Variants in AP2B1 observed in about 807,000 individuals in gnomAD.
AP2B1 encodes the protein AP-2 complex subunit beta.
Under a neutral mutation model 102.0 loss-of-function variants are expected in AP2B1, and 23 were observed. That is an observed-to-expected ratio of 0.23 (90% CI 0.16 to 0.32). AP2B1 has a LOEUF of 0.32. Ranked by LOEUF, AP2B1 falls within the 10% of genes least tolerant of loss-of-function variation. The pLI is 1.00. For missense variants in AP2B1, 541 were observed against 1,157.4 expected (o/e 0.47, Z 7.73); for synonymous variants, 381 against 421.2 (o/e 0.90, Z 1.17).
intron 21 of AP2B1, among the ~76,000 whole-genome samples, chr17:35,718,312 CTGTGTGTGTGTGTGTGTGTG>C (rs57852031): frequency 1.8e-4 from 25 of 139,306 alleles, no homozygotes; most frequent in Middle Eastern, 3.6e-3. Context: ...GTTGGAGTAG[CTGTGTGTGTGTGTGTGTGTG>C]TGTGTGTGTG....
intron 21 of AP2B1, among the ~76,000 whole-genome samples, chr17:35,719,850 A>T (rs1050229120): frequency 6.6e-6 from 1 of 152,110 alleles, no homozygotes; most frequent in Non-Finnish European, 1.5e-5. Context: ...TATTTTTTTT[A>T]AAGAAATACA....
At chr17:35,645,706 G>A (rs751304928) in intron 12 of AP2B1, among the ~76,000 whole-genome samples, 8 of 152,042 alleles carry the variant, frequency 5.3e-5, no homozygotes, top group African/African-American at 9.7e-5. Context: ...AAAATTAGCC[G>A]AGCGTGGTGG....
intron 20 of AP2B1, among the ~76,000 whole-genome samples, chr17:35,713,088 C>T (rs1428183729): frequency 3.3e-5 from 5 of 152,204 alleles, no homozygotes; most frequent in Admixed American, 2.6e-4. Flanking sequence ...ACTCTTATTG[C>T]ACCTCGGCAT....
At chr17:35,639,247 C>T (rs910723124) in intron 10 of AP2B1, among the ~76,000 whole-genome samples, 2 of 152,092 alleles carry the variant, frequency 1.3e-5, no homozygotes, top group African/African-American at 2.4e-5. Context: ...GAGGGAGGAT[C>T]GCTTGAGCCC....
chr17:35,680,019 C>T (rs942063630), intron 17 of AP2B1, among the ~76,000 whole-genome samples: 2 of 151,612 alleles, frequency 1.3e-5, no homozygotes, highest in East Asian at 1.9e-4. Context: ...CTCCGCCTCC[C>T]GGGTTCCAAG....
chr17:35,642,674 T>C (rs16971244), intron 12 of AP2B1, among the ~76,000 whole-genome samples: 2,584 of 152,280 alleles, frequency 0.017, 74 homozygotes, highest in African/African-American at 0.059. Flanking sequence ...AGAGTTACGA[T>C]GTGTGTCTGC....
At chr17:35,693,967 A>C (rs1598303973) in intron 18 of AP2B1, among the ~76,000 whole-genome samples, 1 of 152,230 alleles carries the variant, frequency 6.6e-6, no homozygotes, top group Non-Finnish European at 1.5e-5. Context: ...CAGTGAACTC[A>C]TTTGATTTTT....
intron 18 of AP2B1, among the ~76,000 whole-genome samples, chr17:35,702,934 G>A (rs1281896481): frequency 2.0e-5 from 3 of 152,238 alleles, no homozygotes; most frequent in Non-Finnish European, 2.9e-5. Flanking sequence ...TGAAGAGCAT[G>A]TAAATTAATT....
chr17:35,661,620 T>C (rs187138529), intron 14 of AP2B1, among the ~76,000 whole-genome samples: 89 of 152,372 alleles, frequency 5.8e-4, no homozygotes, highest in African/African-American at 2.0e-3. Flanking sequence ...ATATGGTCGC[T>C]CAGTCCCAGG....
chr17:35,623,878 C>T (rs921595959), intron 5 of AP2B1, among the ~76,000 whole-genome samples: 1 of 152,148 alleles, frequency 6.6e-6, no homozygotes, highest in Non-Finnish European at 1.5e-5. Context: ...ACAGAGATTA[C>T]ATATTCTCTC....
intron 14 of AP2B1, among the ~76,000 whole-genome samples, chr17:35,661,488 A>G (rs2075357613): frequency 6.6e-6 from 1 of 152,208 alleles, no homozygotes; most frequent in South Asian, 2.1e-4. Flanking sequence ...CACCTCCTAC[A>G]AAAACAGATA....
At chr17:35,720,565 ATATATATATTTTTTTTTTT>A (rs2085342226) in intron 21 of AP2B1, among the ~76,000 whole-genome samples, 2 of 52,400 alleles carry the variant, frequency 3.8e-5, no homozygotes, top group African/African-American at 1.5e-4. Context: ...ATATATATAT[ATATATATATTTTTTTTTTT>A]TTTTTTTTTT....
At chr17:35,627,245 C>CTTTTTTGTTT (rs2074340639) in intron 7 of AP2B1, 140 bp from the exon 8 acceptor site, 1 of 171,150 alleles carries the variant, frequency 5.8e-6, no homozygotes, top group Non-Finnish European at 1.0e-5. Context: ...GAAGTTTATG[C>CTTTTTTGTTT]TTTTTTTTTT....
intron 1 of AP2B1, among the ~76,000 whole-genome samples, chr17:35,588,429 A>G (rs530742222): frequency 4.6e-5 from 7 of 152,196 alleles, no homozygotes; most frequent in Non-Finnish European, 7.4e-5. Flanking sequence ...GGCGTGAGCC[A>G]GCGCGCCCAG....
intron 21 of AP2B1, among the ~76,000 whole-genome samples, chr17:35,723,078 A>G (rs1026307433): frequency 6.6e-6 from 1 of 152,212 alleles, no homozygotes; most frequent in Admixed American, 6.5e-5. Context: ...GTGTCTTTTC[A>G]TGTTCTTGTC....
chr17:35,677,081 C>T (rs1455174023), intron 17 of AP2B1, among the ~76,000 whole-genome samples: 2 of 152,146 alleles, frequency 1.3e-5, no homozygotes, highest in Non-Finnish European at 2.9e-5. Flanking sequence ...CCTCAAATTC[C>T]TGGGCTTAAG....
intron 10 of AP2B1, among the ~76,000 whole-genome samples, chr17:35,638,015 G>T (rs1308811225): frequency 6.6e-6 from 1 of 150,968 alleles, no homozygotes. Context: ...TTTTTTGTTT[G>T]TTTGTTTTCA....
intron 1 of AP2B1, among the ~76,000 whole-genome samples, chr17:35,590,353 C>CAT (rs546928841): frequency 1.3e-5 from 2 of 152,160 alleles, no homozygotes; most frequent in South Asian, 2.1e-4. Context: ...TACACTGAAT[C>CAT]ATATATATAT....
chr17:35,639,497 G>T (rs541151079), intron 10 of AP2B1, 98 bp from the exon 11 acceptor site: 24 of 1,125,412 alleles, frequency 2.1e-5, no homozygotes, highest in South Asian at 1.8e-4. Flanking sequence ...TGGTGGTTTG[G>T]TTTAGGGTCC....
Sources: gnomAD v4.1 joint callset for allele counts (sites outside exome capture counted in the v4.1 genomes callset) on GRCh38, gnomAD v4.1.1 for gene constraint, MANE v1.5 for transcripts, NCBI Gene and HGNC (gene_info 2026-07-23, HGNC 2026-07-21) for gene names.